FBXL13: variants seen among roughly 807,000 people sequenced by gnomAD.
FBXL13 encodes the protein F-box and leucine-rich repeat protein 13.
A neutral mutation model predicts 83.6 loss-of-function variants in FBXL13; 67 were observed. The observed-to-expected ratio is 0.80, with a 90% CI of 0.66 to 0.98. The LOEUF (loss-of-function observed/expected upper bound fraction) is 0.98, where lower values mean the gene tolerates loss of function less well. Ranked by LOEUF, FBXL13 falls within the 50% of genes least tolerant of loss-of-function variation. The probability of loss-of-function intolerance (pLI) is 0.00; values close to 1 mark genes in which losing one functional copy is unlikely to be tolerated. For missense variants in FBXL13, 822 were observed against 866.5 expected, an observed-to-expected ratio of 0.95 and a Z score of 0.64; for synonymous variants, 272 against 299.5, an observed-to-expected ratio of 0.91 and a Z score of 0.95.
intron 6 of FBXL13, among the ~76,000 whole-genome samples, chr7:103,000,307 T>C (rs1281192482): frequency 1.3e-5 from 2 of 152,158 alleles, no homozygotes; most frequent in Non-Finnish European, 2.9e-5. Context: ...ATACAGGAGT[T>C]AGAGACCAGT....
intron 3 of FBXL13, 91 bp from the exon 5 acceptor site, chr7:103,028,839 TC>T: frequency 8.9e-7 from 1 of 1,118,206 alleles, no homozygotes; most frequent in Non-Finnish European, 1.2e-6. Flanking sequence ...GAATGATATC[TC>T]CTTTATGACC....
intron 11 of FBXL13, among the ~76,000 whole-genome samples, chr7:102,910,756 A>G (rs868056502): frequency 1.3e-5 from 2 of 152,148 alleles, no homozygotes; most frequent in Admixed American, 1.3e-4. Context: ...GAAAAGCATT[A>G]ACAAATTTAC....
Position 102,817,093 on chromosome 7 carries a change from G to T in FBXL13, c.2019-3562C>A, listed in dbSNP as rs891635837. ...TACAACTGCAGGTGTCTTTTTGATA[G>T]AATTATTTCTTTTCCTTTGGGTAGA... is the stretch of plus-strand genomic sequence containing the variant. On this transcript the variant is annotated intron_variant, in intron 19 of 19. Transcript: ENST00000313221. Among the ~76,000 whole-genome samples, 6 of 152,278 alleles carry T rather than the reference G, an allele frequency of 3.9e-5. No individual in the cohort carries two copies. The South Asian group carries it at 8.3e-4, about 21-fold the overall frequency.
At chr7:103,033,639 T>C (rs1794758959) in intron 2 of FBXL13, among the ~76,000 whole-genome samples, 1 of 152,222 alleles carries the variant, frequency 6.6e-6, no homozygotes, top group South Asian at 2.1e-4. Flanking sequence ...GTTTGTGGTC[T>C]TGTTGGCTTC....
intron 2 of FBXL13, among the ~76,000 whole-genome samples, chr7:103,040,669 C>T (rs1306044228): frequency 6.6e-6 from 1 of 152,170 alleles, no homozygotes; most frequent in Non-Finnish European, 1.5e-5. Context: ...GATTAATAAA[C>T]TCACTCAAAA....
intron 2 of FBXL13, chr7:103,047,067 T>C (rs1478026995): frequency 6.6e-6 from 1 of 152,216 alleles, no homozygotes; most frequent in East Asian, 1.9e-4. Context: ...GCATAAAACA[T>C]GCATTAAAAA....
intron 16 of FBXL13, among the ~76,000 whole-genome samples, chr7:102,864,656 A>T (rs1476143431): frequency 6.6e-6 from 1 of 152,170 alleles, no homozygotes; most frequent in Non-Finnish European, 1.5e-5. Context: ...GGTGTGAGCC[A>T]CCGCACCCAG....
chr7:103,046,968 C>G (rs1225466593), intron 2 of FBXL13: 1 of 152,194 alleles, frequency 6.6e-6, no homozygotes, highest in Non-Finnish European at 1.5e-5. Context: ...TCTTTAGGTT[C>G]TAGACTGTGA....
chr7:103,031,883 A>T (rs1440445841), intron 2 of FBXL13, among the ~76,000 whole-genome samples: 1 of 152,222 alleles, frequency 6.6e-6, no homozygotes, highest in Non-Finnish European at 1.5e-5. Context: ...AAACTTGTAA[A>T]CTACCCAGGC....
At chr7:102,882,720 C>A (rs1043650971) in intron 14 of FBXL13, among the ~76,000 whole-genome samples, 1 of 152,108 alleles carries the variant, frequency 6.6e-6, no homozygotes, top group African/African-American at 2.4e-5. Context: ...TGAGATCGTG[C>A]CACTGCCCTC....
At chr7:102,943,335 CCA>C (rs1491312982) in intron 8 of FBXL13, among the ~76,000 whole-genome samples, 6 of 13,862 alleles carry the variant, frequency 4.3e-4, no homozygotes, top group Non-Finnish European at 1.2e-3. Flanking sequence ...CAAGTAAATA[CCA>C]AAAAAAAAAA....
chr7:102,892,659 A>C (rs1180991688), intron 11 of FBXL13, among the ~76,000 whole-genome samples: 1 of 152,206 alleles, frequency 6.6e-6, no homozygotes, highest in Admixed American at 6.5e-5. Context: ...ATTTTTTCAA[A>C]TACAAAATGC....
intron 18 of FBXL13, among the ~76,000 whole-genome samples, chr7:102,825,348 A>G (rs1457692599): frequency 6.6e-6 from 1 of 152,170 alleles, no homozygotes; most frequent in African/African-American, 2.4e-5. Flanking sequence ...TATAAGAAGA[A>G]GAAAGGTCTG....
rs187481969 is a variant in FBXL13, at chr7:102,964,244, G to A, written c.592-579C>T. 3.7e-3 allele frequency among the ~76,000 whole-genome samples: 557 copies of A among 151,618 alleles called. 5 individuals carry two copies. Among genetic ancestry groups the A allele is most frequent in the African/African-American group, 0.013 (550 of 41,362 alleles). ...GAGAATTGCCTGAACCTGAGAGGTG[G>A]AGGTTGCAGTGAGCTGAGATTGTGC... On this transcript the variant is annotated intron_variant, in intron 7 of 19. Transcript: ENST00000313221.
chr7:103,028,316 TC>T (rs1184945665), intron 4 of FBXL13, among the ~76,000 whole-genome samples: 14 of 152,228 alleles, frequency 9.2e-5, no homozygotes, highest in African/African-American at 3.1e-4. Context: ...CATCCAGCTC[TC>T]TATTATGTAG....
chr7:102,976,800 C>T (rs1827536645), intron 6 of FBXL13, among the ~76,000 whole-genome samples: 1 of 152,148 alleles, frequency 6.6e-6, no homozygotes, highest in Non-Finnish European at 1.5e-5. Flanking sequence ...TTTAACACAC[C>T]AATTCTACCT....
At chr7:102,990,162 G>A (rs1254249824) in intron 6 of FBXL13, among the ~76,000 whole-genome samples, 1 of 152,232 alleles carries the variant, frequency 6.6e-6, no homozygotes, top group East Asian at 1.9e-4. Flanking sequence ...AAGCCTAGCT[G>A]TGACTGCCAT....
chr7:102,906,458 T>C (rs1042101543), intron 11 of FBXL13, among the ~76,000 whole-genome samples: 7 of 152,230 alleles, frequency 4.6e-5, no homozygotes, highest in African/African-American at 1.7e-4. Context: ...TGGTGAGTTT[T>C]GCAACTTCAG....
At chr7:103,024,856 TA>T (rs1464293067) in intron 6 of FBXL13, among the ~76,000 whole-genome samples, 1,076 of 77,126 alleles carry the variant, frequency 0.014, 12 homozygotes, top group East Asian at 0.061. Context: ...TATATATATA[TA>T]TTTTTTTTTT....
Sources: allele counts gnomAD v4.1 joint callset (sites outside exome capture counted in the v4.1 genomes callset), GRCh38; gene constraint gnomAD v4.1.1; transcripts MANE v1.5; gene names NCBI Gene and HGNC (gene_info 2026-07-23, HGNC 2026-07-21).